The following PPP2CB variants were observed in gnomAD, a reference collection of about 807,000 sequenced individuals.
PPP2CB encodes the protein serine/threonine-protein phosphatase 2A catalytic subunit beta isoform.
Under a neutral mutation model 39.1 loss-of-function variants are expected in PPP2CB, and 18 were observed. That is an observed-to-expected ratio of 0.46 (90% confidence interval 0.32 to 0.68). PPP2CB has a LOEUF of 0.68. PPP2CB is among the 30% of genes least tolerant of loss of function. The pLI, the probability that PPP2CB is intolerant of heterozygous loss-of-function variation, is 0.04. For missense variants in PPP2CB, 226 were observed against 396.9 expected (o/e 0.57, Z 3.66); for synonymous variants, 129 against 133.8 (o/e 0.96, Z 0.25).
At chr8:30,791,955 T>C (rs962020492) in intron 5 of PPP2CB, among the ~76,000 whole-genome samples, 10 of 140,220 alleles carry the variant, frequency 7.1e-5, no homozygotes, top group African/African-American at 3.0e-4. Flanking sequence ...TGTGTGCGCA[T>C]ATATGTATAC....
At chr8:30,805,715 G>A (rs1363599797) in intron 1 of PPP2CB, among the ~76,000 whole-genome samples, 1 of 152,100 alleles carries the variant, frequency 6.6e-6, no homozygotes, top group Admixed American at 6.6e-5. Flanking sequence ...ATTCACCACT[G>A]TATCCCAGTC....
At chr8:30,810,599 G>A (rs1229358030) in intron 1 of PPP2CB, among the ~76,000 whole-genome samples, 1 of 152,210 alleles carries the variant, frequency 6.6e-6, no homozygotes, top group Non-Finnish European at 1.5e-5. Flanking sequence ...CTTCGCATTA[G>A]AGCTGGAGAG....
At chr8:30,794,474 T>A in intron 3 of PPP2CB, 193 bp from the exon 4 acceptor site, 1 of 137,586 alleles carries the variant, frequency 7.3e-6, no homozygotes, top group Non-Finnish European at 1.4e-5. Context: ...ATTAAATTTC[T>A]TTTTTTTTTT....
rs1426066364 is a variant in PPP2CB at position 30,803,987 on chromosome 8, TA to T, written c.103-4233del. Among the ~76,000 whole-genome samples the T allele has an allele frequency of 2.0e-5, 3 of 152,112 alleles. No individual in the cohort carries two copies. The East Asian group carries it at 5.8e-4, about 29-fold the overall frequency. ...ACAGGCGCGTGCCACCACACCCAGCTAATTTCTGTATTTTTAGTAGAGATGG... is the reference window on the plus strand; with the variant it reads ...ACAGGCGCGTGCCACCACACCCAGCTATTTCTGTATTTTTAGTAGAGATGG... On this transcript the variant is annotated intron_variant, in intron 1 of 6. Transcript: ENST00000221138.
intron 1 of PPP2CB, among the ~76,000 whole-genome samples, chr8:30,811,674 T>G (rs1356210691): frequency 4.6e-5 from 7 of 151,572 alleles, no homozygotes; most frequent in Non-Finnish European, 8.8e-5. Context: ...TAAAAAAAAT[T>G]TTTTGTGTGT....
intron 6 of PPP2CB, among the ~76,000 whole-genome samples, chr8:30,786,857 G>A (rs112075633): frequency 0.084 from 12,660 of 151,290 alleles, 621 homozygotes; most frequent in South Asian, 0.13. Context: ...TAGTAGAGAC[G>A]GGGTTTCACC....
intron 1 of PPP2CB, 117 bp from the exon 2 acceptor site, chr8:30,799,872 C>T: frequency 1.3e-6 from 1 of 760,640 alleles, no homozygotes; most frequent in Non-Finnish European, 2.1e-6. Flanking sequence ...TATGTGAAAA[C>T]CAAACCACGA....
chr8:30,802,088 G>GCCTAC (rs1163603966), intron 1 of PPP2CB, among the ~76,000 whole-genome samples: 4 of 152,088 alleles, frequency 2.6e-5, no homozygotes, highest in African/African-American at 9.7e-5. Context: ...TTATAGCCTG[G>GCCTAC]TAGGATTCCC....
intron 6 of PPP2CB, among the ~76,000 whole-genome samples, chr8:30,790,473 T>C (rs564742531): frequency 6.6e-5 from 10 of 152,204 alleles, no homozygotes; most frequent in Non-Finnish European, 1.3e-4. Flanking sequence ...GATTTGGAAT[T>C]CTCCATCACC....
Position 30,801,554 on chromosome 8 carries a change from A to C in PPP2CB, c.103-1799T>G, listed in dbSNP as rs1806628354. Among the ~76,000 whole-genome samples, 9 of 151,996 alleles carry C rather than the reference A, an allele frequency of 5.9e-5. No homozygotes were observed. In the South Asian group the frequency reaches 1.9e-3, roughly 32 times the overall value. The stretch of plus-strand genomic sequence containing the variant: ...GTCACAGAAAAAAAAAAAAAAAGTC[A>C]AACAGGATGAAGCTTAAAGTAAAAG... On this transcript the variant is annotated intron_variant, in intron 1 of 6. Transcript: ENST00000221138.
At chr8:30,790,028 T>C (rs1806405697) in intron 6 of PPP2CB, among the ~76,000 whole-genome samples, 1 of 152,164 alleles carries the variant, frequency 6.6e-6, no homozygotes, top group African/African-American at 2.4e-5. Context: ...TCTTTTCCTC[T>C]TACTAAAATC....
intron 6 of PPP2CB, chr8:30,790,904 G>A (rs939109588): frequency 1.4e-4 from 34 of 250,768 alleles, no homozygotes; most frequent in African/African-American, 6.5e-4. Flanking sequence ...TCTGGGAGGA[G>A]TTGGAGGGGG....
chr8:30,799,761 A>AG lies in PPP2CB; in HGVS notation c.103-7dup. The AG allele has an allele frequency of 6.2e-7, 1 of 1,611,158 alleles. No individual in the cohort carries two copies. Among genetic ancestry groups the AG allele is most frequent in the Non-Finnish European group, 8.5e-7 (1 of 1,177,866 alleles). ...TTTGTTAAAATTTCCTTTGCCTGTT[A>AG]GAAAAGTGAAATCAACAATTACAAA... On this transcript the variant is annotated splice_polypyrimidine_tract_variant and splice_region_variant and intron_variant, in intron 1 of 6. Coordinates refer to ENST00000221138, the MANE Select transcript of PPP2CB (RefSeq NM_001009552.2).
At chr8:30,809,210 G>A (rs543557705) in intron 1 of PPP2CB, among the ~76,000 whole-genome samples, 6 of 151,808 alleles carry the variant, frequency 4.0e-5, no homozygotes, top group South Asian at 4.2e-4. Flanking sequence ...CACTGTGCCC[G>A]GCCAATGAAT....
rs138846127 is a variant in PPP2CB, at chr8:30,790,322, T to C, written c.857+875A>G. On this transcript the variant is annotated intron_variant, in intron 6 of 6. Transcript: ENST00000221138. ...CTGACTGTGATCCCAGAAGGGCTCTTCTTGGCTTTTTCCCTGGTGCTATTT... is the reference window on the plus strand; with the variant it reads ...CTGACTGTGATCCCAGAAGGGCTCTCCTTGGCTTTTTCCCTGGTGCTATTT... 4.3e-4 allele frequency among the ~76,000 whole-genome samples: 65 copies of C among 152,342 alleles called. 1 individual carries two copies. The East Asian group carries it at 0.012, about 27-fold the overall frequency.
chr8:30,801,726 AAC>A (rs1389892591), intron 1 of PPP2CB, among the ~76,000 whole-genome samples: 2 of 152,104 alleles, frequency 1.3e-5, no homozygotes, highest in Admixed American at 1.3e-4. Context: ...CATTTTTGTC[AAC>A]AGACTTTAAC....
intron 2 of PPP2CB, among the ~76,000 whole-genome samples, chr8:30,798,250 G>C (rs1806558410): frequency 6.6e-6 from 1 of 151,960 alleles, no homozygotes; most frequent in Non-Finnish European, 1.5e-5. Context: ...GACAAAACTG[G>C]GCAAGATTTC....
At chr8:30,795,050 C>A (rs543863261) in intron 3 of PPP2CB, among the ~76,000 whole-genome samples, 6 of 151,416 alleles carry the variant, frequency 4.0e-5, no homozygotes, top group African/African-American at 1.5e-4. Flanking sequence ...AGTTTCAAGT[C>A]CATGCTCTAG....
At chr8:30,802,623 G>A (rs1431034017) in intron 1 of PPP2CB, among the ~76,000 whole-genome samples, 2 of 152,036 alleles carry the variant, frequency 1.3e-5, no homozygotes, top group Non-Finnish European at 2.9e-5. Flanking sequence ...GAGATTGCAG[G>A]TCTGAGCCAC....
Sources: allele counts gnomAD v4.1 joint callset (sites outside exome capture counted in the v4.1 genomes callset), GRCh38; gene constraint gnomAD v4.1.1; transcripts MANE v1.5; gene names NCBI Gene and HGNC (gene_info 2026-07-23, HGNC 2026-07-21).